Variants in CRLF2 observed in about 807,000 individuals in gnomAD.
CRLF2 encodes the protein cytokine receptor-like factor 2.
Under a neutral mutation model 38.7 loss-of-function variants are expected in CRLF2, and 41 were observed. The observed-to-expected ratio is 1.06, with a 90% confidence interval of 0.83 to 1.37. CRLF2 has a LOEUF of 1.37. CRLF2 is among the 40% of genes most tolerant of loss of function. The pLI is 0.00. For missense variants in CRLF2, 377 were observed against 322.2 expected (o/e 1.17, Z -1.30); for synonymous variants, 140 against 128.8 (o/e 1.09, Z -0.59).
Position 1,190,566 on chromosome X carries a change from G to A in CRLF2, c.*331C>T. 1 of 321,502 alleles carries A rather than the reference G, an allele frequency of 3.1e-6. No homozygotes were observed. Among genetic ancestry groups the A allele is most frequent in the African/African-American group, 2.1e-5 (1 of 47,650 alleles). The allele number at this position is 321,502 out of a possible 1,614,324, so 19.9% of individuals were successfully genotyped here. A position where few individuals can be genotyped will look rare whatever the true frequency, so the allele number is the denominator to read the frequency against. ...ACATGGACGGAACTGGGGACTCACA[G>A]AGTGGGAAGATGGTTTTACAGCATT... On this transcript the variant is annotated 3_prime_UTR_variant, in exon 8 of 8. Coordinates refer to ENST00000400841, the MANE Select transcript of CRLF2 (RefSeq NM_022148.4).
chrX:1,212,508 C>T, intron 1 of CRLF2, 48 bp downstream of exon 1: 2 of 1,383,906 alleles, frequency 1.4e-6, no homozygotes. Context: ...GGTTGCAAAG[C>T]AAACCACAAA....
At position 1,198,743 on chromosome X, in the gene CRLF2, A is replaced by ACACACG; in HGVS notation, c.484-20_484-19insCGTGTG. On this transcript the variant is annotated intron_variant, in intron 4 of 7. Transcript: ENST00000400841. The stretch of plus-strand genomic sequence containing the variant: ...GTTTGGACTGGAGAAACATACACAC[A>ACACACG]CACACACACACACACACACACACAC... 2.9e-6 allele frequency: 3 copies of ACACACG among 1,044,644 alleles called. No homozygotes were observed. The highest frequency in any genetic ancestry group is 4.3e-6 in the Non-Finnish European group (3 of 697,818). The allele number at this position is 1,044,644 out of a possible 1,614,324, so 64.7% of individuals were successfully genotyped here.
intron 2 of CRLF2, among the ~76,000 whole-genome samples, chrX:1,207,517 G>A (rs1424733468): frequency 1.5e-4 from 7 of 46,114 alleles, no homozygotes; most frequent in Non-Finnish European, 3.0e-4. Flanking sequence ...CCCCCCCTCA[G>A]CCTCCCAAAG....
At chrX:1,212,368 T>C (rs1221816294) in intron 1 of CRLF2, among the ~76,000 whole-genome samples, 188 bp downstream of exon 1, 1 of 148,820 alleles carries the variant, frequency 6.7e-6, no homozygotes, top group Non-Finnish European at 1.5e-5. Flanking sequence ...TATAAATATG[T>C]TTTGTCCCAG....
At chrX:1,200,394 TGTGTGTATATGTG>T in intron 4 of CRLF2, among the ~76,000 whole-genome samples, 1 of 108,260 alleles carries the variant, frequency 9.2e-6, no homozygotes. Flanking sequence ...TGTATATATG[TGTGTGTATATGTG>T]TATATAAGCT....
intron 3 of CRLF2, among the ~76,000 whole-genome samples, chrX:1,203,902 C>T (rs1432623297): frequency 5.9e-5 from 9 of 151,952 alleles, no homozygotes; most frequent in Non-Finnish European, 8.8e-5. Flanking sequence ...GATCCGTTTC[C>T]CCTACCTCTA....
intron 2 of CRLF2, among the ~76,000 whole-genome samples, chrX:1,207,902 G>A (rs767427971): frequency 6.4e-4 from 98 of 152,152 alleles, no homozygotes; most frequent in African/African-American, 2.2e-3. Context: ...CACCCACCTC[G>A]GTCTCCCAAC....
rs771176812 is a variant in CRLF2 at position 1,196,838 on chromosome X, T to C, written c.709A>G (p.Ser237Gly). 2 of 1,613,704 alleles carry C rather than the reference T, an allele frequency of 1.2e-6. No individual in the cohort carries two copies. Among genetic ancestry groups the C allele is most frequent in the Non-Finnish European group, 1.7e-6 (2 of 1,179,662 alleles). ...GACACCATCAGAAGGATGGCCAGGC[T>C]GGAAATTAAAATAAATTTGGACAGC... ...PKLSKFILIS[S>G]LAILLMVSLL... Residue 237 changes from serine to glycine, a missense_variant, in exon 6 of 8, where the codon AGC becomes GGC. Ser to Gly is a moderately conservative substitution (Grantham distance 56). Transcript: ENST00000400841.
intron 5 of CRLF2, among the ~76,000 whole-genome samples, chrX:1,197,125 C>G (rs374576122): frequency 7.6e-6 from 1 of 132,394 alleles, no homozygotes; most frequent in African/African-American, 2.7e-5. Context: ...CAGAACCTCA[C>G]TCTGTTGCCC....
rs1446792291 is a variant in CRLF2, at chrX:1,200,803, G to GTA, written c.483+1597_483+1598dup. Among the ~76,000 whole-genome samples the GTA allele has an allele frequency of 2.6e-3, 105 of 40,428 alleles. 3 individuals are homozygous for GTA. In the South Asian group the frequency reaches 0.069, roughly 26 times the overall value. The allele number at this position is 40,428 out of a possible 152,430, so 26.5% of individuals were successfully genotyped here. A position where few individuals can be genotyped will look rare whatever the true frequency, so the allele number is the denominator to read the frequency against. On this transcript the variant is annotated intron_variant, in intron 4 of 7. Coordinates refer to ENST00000400841, the MANE Select transcript of CRLF2 (RefSeq NM_022148.4). ...TATCTATATGTGTGTATATGCATGT[G>GTA]TATATATGTATATATAAGCTGTGTA...
intron 1 of CRLF2, 108 bp downstream of exon 1, chrX:1,212,448 A>T: frequency 1.4e-6 from 1 of 698,552 alleles, no homozygotes; most frequent in Non-Finnish European, 2.4e-6. Flanking sequence ...AGAAAAGAAG[A>T]AAGAAACCTC....
intron 5 of CRLF2, among the ~76,000 whole-genome samples, chrX:1,197,625 C>A (rs1246459232): frequency 1.3e-5 from 2 of 151,512 alleles, no homozygotes; most frequent in Non-Finnish European, 2.9e-5. Context: ...ACCAGCCTGG[C>A]CAATATGGGG....
intron 3 of CRLF2, among the ~76,000 whole-genome samples, chrX:1,203,057 C>T (rs1400707007): frequency 7.6e-6 from 1 of 130,814 alleles, no homozygotes; most frequent in African/African-American, 2.9e-5. Context: ...GAGATTGAAC[C>T]ACTGCCCTCC....
rs1328455404 is a variant in CRLF2, at chrX:1,190,778, C to T, written c.*119G>A. The T allele has an allele frequency of 1.6e-4, 63 of 398,452 alleles. No individual in the cohort carries two copies. Among genetic ancestry groups the T allele is most frequent in the African/African-American group, 9.6e-4 (47 of 48,766 alleles). The allele number at this position is 398,452 out of a possible 1,614,324, so 24.7% of individuals were successfully genotyped here. ...GGCTGGGTCTTCAGAGTCTCCTAGT[C>T]CTACCATCATTGGCGTGGAGACTTC... On this transcript the variant is annotated 3_prime_UTR_variant, in exon 8 of 8. Coordinates refer to ENST00000400841, the MANE Select transcript of CRLF2 (RefSeq NM_022148.4).
intron 7 of CRLF2, among the ~76,000 whole-genome samples, chrX:1,191,590 G>A (rs1201949886): frequency 1.7e-4 from 25 of 151,058 alleles, no homozygotes; most frequent in African/African-American, 3.9e-4. Context: ...GGAGTGCAAC[G>A]GCGTGATCTC....
chrX:1,202,946 T>C (rs1359144995), intron 3 of CRLF2, among the ~76,000 whole-genome samples: 5 of 151,678 alleles, frequency 3.3e-5, no homozygotes, highest in Admixed American at 6.6e-5. Flanking sequence ...CCGTCTCTAC[T>C]AAAAATACAG....
At chrX:1,194,567 T>C (rs2086446369) in intron 6 of CRLF2, among the ~76,000 whole-genome samples, 1 of 152,086 alleles carries the variant, frequency 6.6e-6, no homozygotes, top group African/African-American at 2.4e-5. Context: ...ACCTTGTCGA[T>C]AGGATGGGCT....
intron 1 of CRLF2, among the ~76,000 whole-genome samples, chrX:1,209,573 C>T (rs1384741277): frequency 7.9e-5 from 12 of 151,882 alleles, no homozygotes; most frequent in East Asian, 1.9e-4. Context: ...CCTCGTGATC[C>T]GCCCGCCTCA....
At position 1,196,892 on chromosome X, in the gene CRLF2, C is replaced by T. The variant is rs2086488638; in HGVS notation, c.655G>A (p.Ala219Thr). 6.2e-7 allele frequency: 1 copy of T among 1,612,832 alleles called. No individual in the cohort carries two copies. The highest frequency in any genetic ancestry group is 8.5e-7 in the Non-Finnish European group (1 of 1,179,468). The stretch of plus-strand genomic sequence containing the variant: ...GGTTTGGGAGGCGTTGGTGTCTCTG[C>T]ACAGGCATCTGAAACAAAATGAAAA... ...WQRGEIRDACAETPTPPKPKL... is the reference protein window; with the variant it reads ...WQRGEIRDACTETPTPPKPKL... Residue 219 changes from alanine to threonine, a missense_variant, in exon 6 of 8, where the codon GCA becomes ACA. Coordinates refer to ENST00000400841, the MANE Select transcript of CRLF2 (RefSeq NM_022148.4).
Sources: gnomAD v4.1 joint callset for allele counts (sites outside exome capture counted in the v4.1 genomes callset) on GRCh38, gnomAD v4.1.1 for gene constraint, MANE v1.5 for transcripts, NCBI Gene and HGNC (gene_info 2026-07-23, HGNC 2026-07-21) for gene names.